Variants in CSMD1 observed in about 807,000 individuals in gnomAD.
The protein encoded by CSMD1 is CUB and Sushi multiple domains 1.
In CSMD1, 213 loss-of-function variants were observed where a neutral mutation model predicts 417.5. That is an observed-to-expected ratio of 0.51 (90% CI 0.46 to 0.57). The LOEUF is 0.57. CSMD1 is among the 20% of genes least tolerant of loss of function. CSMD1 has a pLI of 0.00. For missense variants in CSMD1, 6,923 were observed against 4,529.7 expected, an observed-to-expected ratio of 1.53 and a Z score of -15.17; for synonymous variants, 2,862 against 1,736.8, an observed-to-expected ratio of 1.65 and a Z score of -16.11.
intron 5 of CSMD1, among the ~76,000 whole-genome samples, chr8:3,915,987 A>G (rs967733076): frequency 2.0e-5 from 3 of 151,736 alleles, no homozygotes; most frequent in African/African-American, 7.3e-5. Context: ...TGAGATTCAT[A>G]AGATTGATAT....
At chr8:3,008,431 G>A (rs1808128240) in intron 52 of CSMD1, among the ~76,000 whole-genome samples, 1 of 152,238 alleles carries the variant, frequency 6.6e-6, no homozygotes, top group Non-Finnish European at 1.5e-5. Flanking sequence ...CGGGAGAGCA[G>A]GGGCCTCCGC....
chr8:3,495,051 T>C lies in CSMD1; in HGVS notation c.1345-1325A>G, dbSNP rs188593350. Among the ~76,000 whole-genome samples the C allele has an allele frequency of 2.2e-3, 335 of 152,334 alleles. 8 individuals carry two copies. Among genetic ancestry groups the C allele is most frequent in the Non-Finnish European group, 2.4e-4 (16 of 68,018 alleles). ...ACTAAAATTATTAATATAGCCATTATAATTTATTTAAAAAACCTACTATTT... is the reference window on the plus strand; with the variant it reads ...ACTAAAATTATTAATATAGCCATTACAATTTATTTAAAAAACCTACTATTT... On this transcript the variant is annotated intron_variant, in intron 10 of 69. Transcript: ENST00000635120.
At chr8:3,269,621 C>T (rs1428114586) in intron 26 of CSMD1, among the ~76,000 whole-genome samples, 1 of 152,186 alleles carries the variant, frequency 6.6e-6, no homozygotes, top group African/African-American at 2.4e-5. Flanking sequence ...GGTTGCAGAG[C>T]CATTTTTCCC....
intron 6 of CSMD1, among the ~76,000 whole-genome samples, chr8:3,724,157 T>TA (rs374950853): frequency 5.8e-5 from 3 of 52,060 alleles, no homozygotes; most frequent in South Asian, 5.6e-4. Context: ...CGTTAAAAAG[T>TA]TTTGCAAAAA....
At chr8:4,604,716 G>C (rs924461975) in intron 2 of CSMD1, among the ~76,000 whole-genome samples, 3 of 151,862 alleles carry the variant, frequency 2.0e-5, no homozygotes, top group Admixed American at 6.6e-5. Flanking sequence ...ATGATACATG[G>C]GCTTAATGGT....
At chr8:4,992,407 G>C (rs970875508) in intron 1 of CSMD1, among the ~76,000 whole-genome samples, 1 of 152,238 alleles carries the variant, frequency 6.6e-6, no homozygotes, top group South Asian at 2.1e-4. Context: ...CGAGGGAACC[G>C]AGAGTGAGCT....
chr8:4,493,669 C>T (rs899937951), intron 2 of CSMD1, among the ~76,000 whole-genome samples: 5 of 152,024 alleles, frequency 3.3e-5, no homozygotes, highest in African/African-American at 4.8e-5. Flanking sequence ...TACTCCAGAT[C>T]GAGTGAGAGA....
intron 4 of CSMD1, among the ~76,000 whole-genome samples, chr8:4,003,294 G>C (rs537485290): frequency 6.6e-6 from 1 of 152,098 alleles, no homozygotes; most frequent in Non-Finnish European, 1.5e-5. Context: ...TCGCGAGGCT[G>C]AGGCAGGAGA....
intron 2 of CSMD1, among the ~76,000 whole-genome samples, chr8:4,582,840 G>C (rs1354292704): frequency 1.3e-5 from 2 of 152,228 alleles, no homozygotes; most frequent in African/African-American, 4.8e-5. Flanking sequence ...AGAGGCGCGA[G>C]TGGGAACCAG....
At chr8:3,023,414 G>C (rs1010868411) in intron 51 of CSMD1, among the ~76,000 whole-genome samples, 1 of 152,176 alleles carries the variant, frequency 6.6e-6, no homozygotes, top group Non-Finnish European at 1.5e-5. Context: ...ATAAATAAAT[G>C]TAATAAGACA....
chr8:4,375,526 T>C (rs1423908384), intron 3 of CSMD1, among the ~76,000 whole-genome samples: 1 of 152,112 alleles, frequency 6.6e-6, no homozygotes, highest in Non-Finnish European at 1.5e-5. Flanking sequence ...GAATTTTTTT[T>C]TCCTCCTTAA....
At chr8:3,240,963 G>A (rs1193904359) in intron 26 of CSMD1, among the ~76,000 whole-genome samples, 2 of 151,766 alleles carry the variant, frequency 1.3e-5, no homozygotes, top group Admixed American at 6.6e-5. Flanking sequence ...TGGGATATTG[G>A]CATTGAGCAG....
At chr8:4,699,863 A>G (rs948359124) in intron 1 of CSMD1, among the ~76,000 whole-genome samples, 5 of 152,246 alleles carry the variant, frequency 3.3e-5, no homozygotes, top group Non-Finnish European at 5.9e-5. Flanking sequence ...ACTGCGAGCA[A>G]GAACAAGAGA....
intron 5 of CSMD1, among the ~76,000 whole-genome samples, chr8:3,956,160 T>C (rs1480364406): frequency 1.3e-5 from 2 of 149,662 alleles, no homozygotes; most frequent in Non-Finnish European, 3.0e-5. Flanking sequence ...TAATCTTAGA[T>C]GCAAAAAGGT....
chr8:3,921,721 T>C (rs1809281174), intron 5 of CSMD1, among the ~76,000 whole-genome samples: 1 of 152,196 alleles, frequency 6.6e-6, no homozygotes, highest in South Asian at 2.1e-4. Flanking sequence ...CTGATTTTAG[T>C]TTCATAATAT....
intron 1 of CSMD1, among the ~76,000 whole-genome samples, chr8:4,734,036 G>T (rs1432021151): frequency 6.6e-6 from 1 of 152,124 alleles, no homozygotes; most frequent in Non-Finnish European, 1.5e-5. Flanking sequence ...ATATTTTGAA[G>T]AATATCTTAA....
intron 49 of CSMD1, among the ~76,000 whole-genome samples, chr8:3,077,394 A>G (rs1173168383): frequency 6.6e-6 from 1 of 152,158 alleles, no homozygotes; most frequent in Non-Finnish European, 1.5e-5. Flanking sequence ...CAGTGCATCA[A>G]AGGTGGGAAA....
At chr8:4,010,228 T>C (rs554266623) in intron 4 of CSMD1, among the ~76,000 whole-genome samples, 138 of 152,268 alleles carry the variant, frequency 9.1e-4, no homozygotes, top group African/African-American at 3.1e-3. Context: ...ATGCATCTCA[T>C]GGCTACTTCC....
At position 4,817,196 on chromosome 8, in the gene CSMD1, G is replaced by A. The variant is rs569903009; in HGVS notation, c.85+177136C>T. 5.9e-5 allele frequency among the ~76,000 whole-genome samples: 9 copies of A among 152,068 alleles called. No individual in the cohort carries two copies. The South Asian group carries it at 1.2e-3, about 21-fold the overall frequency. On this transcript the variant is annotated intron_variant, in intron 1 of 69. Coordinates refer to ENST00000635120, the MANE Select transcript of CSMD1 (RefSeq NM_033225.6). ...ACTATACTCATGTATAAATATTACT[G>A]TGCTCCTATATGTATATGATTTTAA...
Sources: allele counts gnomAD v4.1 joint callset (sites outside exome capture counted in the v4.1 genomes callset), GRCh38; gene constraint gnomAD v4.1.1; transcripts MANE v1.5; gene names NCBI Gene and HGNC (gene_info 2026-07-23, HGNC 2026-07-21).